Variants in MCC observed in about 807,000 individuals in gnomAD.
MCC encodes MCC regulator of Wnt signaling pathway, also known as colorectal mutant cancer protein.
MCC carries 90 observed loss-of-function variants against 116.2 expected under a neutral mutation model. That is an observed-to-expected ratio of 0.77 (90% CI 0.65 to 0.92). The LOEUF is 0.92. MCC is among the 40% of genes least tolerant of loss of function. The probability of loss-of-function intolerance (pLI) is 0.00; values close to 1 mark genes in which losing one functional copy is unlikely to be tolerated. For synonymous variants in MCC, 578 were observed against 510.5 expected (o/e 1.13, Z -1.78); for missense variants, 1,516 against 1,312.2 (o/e 1.16, Z -2.40).
rs1461547620 is a variant in MCC at position 113,101,925 on chromosome 5, C to T, written c.1212G>A (p.Gly404=). The change falls in exon 8 of 19, where the codon GGG becomes GGA. Residue 404 remains glycine, a synonymous_variant. Transcript: ENST00000408903. ...LAIKTVEEIE[G]VLGRDLYPNL... ...TGGGATACAGGTCCCGGCCAAGCAC[C>T]CCCTCAATCTCCTCGACTGTCTGTA... 1 of 1,613,846 alleles carries T rather than the reference C, an allele frequency of 6.2e-7. No individual in the cohort carries two copies. Among genetic ancestry groups the T allele is most frequent in the South Asian group, 1.1e-5 (1 of 91,080 alleles).
At chr5:113,480,161 A>G (rs1375350085) in intron 1 of MCC, among the ~76,000 whole-genome samples, 1 of 152,192 alleles carries the variant, frequency 6.6e-6, no homozygotes, top group African/African-American at 2.4e-5. Context: ...ATAAATTTGT[A>G]GTTCTTTAGA....
chr5:113,374,222 T>G (rs550257021), intron 2 of MCC, among the ~76,000 whole-genome samples: 2,589 of 152,002 alleles, frequency 0.017, 44 homozygotes, highest in Non-Finnish European at 0.024. Flanking sequence ...TTTTTGTTTT[T>G]TTTTTTAATA....
rs908094723 is a variant in MCC at position 113,444,599 on chromosome 5, G to T, written c.170+43646C>A. The stretch of plus-strand genomic sequence containing the variant: ...GGAAGGGTAGATCGCCACCTACGTG[G>T]TATTTGGCCTTCAGATCAATGCTTA... On this transcript the variant is annotated intron_variant, in intron 1 of 18. Transcript: ENST00000408903. Among the ~76,000 whole-genome samples, 4 of 152,282 alleles carry T rather than the reference G, an allele frequency of 2.6e-5. No homozygotes were observed. In the South Asian group the frequency reaches 8.3e-4, roughly 32 times the overall value.
chr5:113,371,474 T>G (rs1240638556), intron 2 of MCC, among the ~76,000 whole-genome samples: 1 of 152,162 alleles, frequency 6.6e-6, no homozygotes, highest in Non-Finnish European at 1.5e-5. Context: ...AACACTATAA[T>G]TATACAAAGA....
chr5:113,038,354 C>G (rs140670965), intron 17 of MCC, among the ~76,000 whole-genome samples: 2 of 152,172 alleles, frequency 1.3e-5, no homozygotes, highest in African/African-American at 4.8e-5. Flanking sequence ...CTGAGTAAAC[C>G]ACAATCCCTG....
intron 3 of MCC, among the ~76,000 whole-genome samples, chr5:113,208,771 C>T (rs998803744): frequency 6.6e-6 from 1 of 152,138 alleles, no homozygotes; most frequent in African/African-American, 2.4e-5. Context: ...TTTAGAGAGA[C>T]ACTCTTACCT....
At chr5:113,040,293 T>G (rs1342869202) in intron 17 of MCC, among the ~76,000 whole-genome samples, 2 of 151,828 alleles carry the variant, frequency 1.3e-5, no homozygotes, top group Non-Finnish European at 2.9e-5. Context: ...GGAGGTTGGG[T>G]TGGGGACAGT....
chr5:113,299,538 C>T (rs529353056), intron 3 of MCC, among the ~76,000 whole-genome samples: 2 of 152,070 alleles, frequency 1.3e-5, no homozygotes, highest in South Asian at 4.2e-4. Flanking sequence ...ATTATAAGAA[C>T]GTTAGAAACA....
At chr5:113,351,792 G>A (rs544015772) in intron 2 of MCC, among the ~76,000 whole-genome samples, 8 of 152,198 alleles carry the variant, frequency 5.3e-5, no homozygotes, top group Non-Finnish European at 8.8e-5. Context: ...CTGTATCAAA[G>A]TATCTCATGT....
chr5:113,258,822 A>G (rs1237982224), intron 3 of MCC, among the ~76,000 whole-genome samples: 1 of 152,234 alleles, frequency 6.6e-6, no homozygotes, highest in Non-Finnish European at 1.5e-5. Flanking sequence ...GCTGTGACTC[A>G]AGAAGAACAC....
chr5:113,164,277 G>C (rs1186854989), intron 3 of MCC, among the ~76,000 whole-genome samples: 2 of 152,174 alleles, frequency 1.3e-5, no homozygotes, highest in East Asian at 3.9e-4. Flanking sequence ...GCTCACTGTT[G>C]GATAGCTACT....
At chr5:113,358,549 T>C (rs1291322355) in intron 2 of MCC, among the ~76,000 whole-genome samples, 2 of 152,206 alleles carry the variant, frequency 1.3e-5, no homozygotes, top group Non-Finnish European at 2.9e-5. Flanking sequence ...ATATTGTCTA[T>C]GTTTAGTGGC....
chr5:113,196,771 C>T (rs919966599), intron 3 of MCC, among the ~76,000 whole-genome samples: 52 of 152,136 alleles, frequency 3.4e-4, no homozygotes, highest in Non-Finnish European at 5.0e-4. Flanking sequence ...ATCGCTTGAA[C>T]TGGGGAGGCA....
chr5:113,144,624 C>T (rs574450427), intron 4 of MCC, among the ~76,000 whole-genome samples: 1 of 152,208 alleles, frequency 6.6e-6, no homozygotes, highest in Non-Finnish European at 1.5e-5. Flanking sequence ...TAACTCCATA[C>T]TGAAACAGAA....
chr5:113,458,329 T>C (rs6594719), intron 1 of MCC, among the ~76,000 whole-genome samples: 48,379 of 149,256 alleles, frequency 0.32, 9,610 homozygotes, highest in African/African-American at 0.55. Context: ...ACTCCAGACG[T>C]GCCGCCTTAA....
intron 6 of MCC, among the ~76,000 whole-genome samples, chr5:113,121,515 T>G (rs1757734385): frequency 6.6e-6 from 1 of 152,204 alleles, no homozygotes; most frequent in Non-Finnish European, 1.5e-5. Context: ...TTGACCTGCT[T>G]AATTCCTACT....
intron 2 of MCC, among the ~76,000 whole-genome samples, chr5:113,379,626 T>G (rs1001152280): frequency 5.9e-5 from 9 of 152,226 alleles, no homozygotes; most frequent in African/African-American, 4.8e-5. Flanking sequence ...ACTAGTAATT[T>G]TAAAACATTT....
In MCC at chr5:113,083,677, C is replaced by T. The variant is rs113653804; in HGVS notation, c.1635+424G>A. 1.5e-3 allele frequency among the ~76,000 whole-genome samples: 232 copies of T among 152,326 alleles called. 3 individuals carry two copies. The highest frequency in any genetic ancestry group is 5.3e-3 in the African/African-American group (221 of 41,572). On this transcript the variant is annotated intron_variant, in intron 10 of 18. Coordinates refer to ENST00000408903, the MANE Select transcript of MCC (RefSeq NM_001085377.2). ...AAAGTGAAGGTTCTGGTCTTTCCCA[C>T]CACTGGGCTAGGCTTCAAAGACAAC...
chr5:113,373,074 G>A (rs554408048), intron 2 of MCC, among the ~76,000 whole-genome samples: 4 of 151,964 alleles, frequency 2.6e-5, no homozygotes, highest in African/African-American at 4.8e-5. Flanking sequence ...AGCTACTCGG[G>A]AGGCTGAGGC....
Sources: allele counts gnomAD v4.1 joint callset (sites outside exome capture counted in the v4.1 genomes callset), GRCh38; gene constraint gnomAD v4.1.1; transcripts MANE v1.5; gene names NCBI Gene and HGNC (gene_info 2026-07-23, HGNC 2026-07-21).